SNX30: variants seen among roughly 807,000 people sequenced by gnomAD.
The protein encoded by SNX30 is sorting nexin-30.
SNX30 carries 24 observed loss-of-function variants against 46.4 expected under a neutral mutation model. The ratio of observed to expected loss-of-function variants is 0.52; its 90% CI spans 0.37 to 0.73. The LOEUF is 0.73. SNX30 is among the 30% of genes least tolerant of loss of function. The pLI is 0.00. For synonymous variants in SNX30, 189 were observed against 211.5 expected (o/e 0.89, Z 0.92); for missense variants, 533 against 555.7 (o/e 0.96, Z 0.41).
downstream of SNX30, chr9:112,875,124 A>G (rs982944621): frequency 1.3e-5 from 2 of 152,154 alleles, no homozygotes; most frequent in Non-Finnish European, 2.9e-5. Flanking sequence ...ACAGGAAAAA[A>G]TATATATAAT....
intron 3 of SNX30, among the ~76,000 whole-genome samples, chr9:112,829,939 A>G (rs1259499891): frequency 6.6e-6 from 1 of 152,202 alleles, no homozygotes; most frequent in Admixed American, 6.5e-5. Flanking sequence ...TAAATGTACA[A>G]TTTTAAAAAT....
At chr9:112,777,854 C>T (rs1839775639) in intron 1 of SNX30, among the ~76,000 whole-genome samples, 1 of 152,086 alleles carries the variant, frequency 6.6e-6, no homozygotes, top group Admixed American at 6.6e-5. Flanking sequence ...ATCTTTTACC[C>T]CTCATTTGCT....
intron 1 of SNX30, among the ~76,000 whole-genome samples, chr9:112,764,987 A>C (rs1376956169): frequency 6.6e-6 from 1 of 152,154 alleles, no homozygotes; most frequent in Non-Finnish European, 1.5e-5. Flanking sequence ...CCAGGGGAAA[A>C]GGTCAGGGAG....
intron 1 of SNX30, among the ~76,000 whole-genome samples, chr9:112,796,893 C>T (rs1397891046): frequency 1.3e-5 from 2 of 152,058 alleles, no homozygotes; most frequent in Non-Finnish European, 2.9e-5. Flanking sequence ...ATTTCCTGTA[C>T]GTTCTCTTGC....
intron 7 of SNX30, among the ~76,000 whole-genome samples, chr9:112,861,939 C>G (rs928630368): frequency 6.7e-6 from 1 of 149,180 alleles, no homozygotes; most frequent in African/African-American, 2.4e-5. Flanking sequence ...ACAACACTTA[C>G]GATATCTTGC....
intron 1 of SNX30, among the ~76,000 whole-genome samples, chr9:112,768,497 T>A: frequency 6.6e-6 from 1 of 152,124 alleles, no homozygotes; most frequent in Non-Finnish European, 1.5e-5. Flanking sequence ...AGAACAAGGT[T>A]ATCAGTCTTG....
chr9:112,837,210 A>C (rs996811080), intron 5 of SNX30, among the ~76,000 whole-genome samples: 4 of 149,732 alleles, frequency 2.7e-5, no homozygotes, highest in African/African-American at 4.9e-5. Context: ...AAAAATCAAC[A>C]TTTTTTTTTT....
At chr9:112,793,608 G>A (rs906092623) in intron 1 of SNX30, among the ~76,000 whole-genome samples, 4 of 152,152 alleles carry the variant, frequency 2.6e-5, no homozygotes, top group African/African-American at 9.7e-5. Context: ...TACTTATTAA[G>A]TAACCTCAAT....
At chr9:112,768,321 G>C (rs972294341) in intron 1 of SNX30, among the ~76,000 whole-genome samples, 17 of 152,160 alleles carry the variant, frequency 1.1e-4, no homozygotes, top group African/African-American at 4.1e-4. Context: ...TTAGAACCTC[G>C]CTACTTAATG....
intron 7 of SNX30, among the ~76,000 whole-genome samples, chr9:112,858,295 G>T (rs982937296): frequency 1.3e-5 from 2 of 152,088 alleles, no homozygotes. Context: ...CAGGAAGATC[G>T]CCTGAGCTCA....
At chr9:112,855,938 A>G (rs1841119478) in intron 7 of SNX30, among the ~76,000 whole-genome samples, 2 of 152,116 alleles carry the variant, frequency 1.3e-5, no homozygotes, top group South Asian at 4.2e-4. Flanking sequence ...CTTACAGAAG[A>G]TAAGGAGAAG....
At chr9:112,795,345 A>G (rs1178090648) in intron 1 of SNX30, among the ~76,000 whole-genome samples, 5 of 152,200 alleles carry the variant, frequency 3.3e-5, no homozygotes, top group Admixed American at 6.5e-5. Context: ...CACTGGTAGT[A>G]ATTAGTGGTA....
chr9:112,836,775 CA>C (rs1840760385), intron 5 of SNX30, among the ~76,000 whole-genome samples: 1 of 152,136 alleles, frequency 6.6e-6, no homozygotes, highest in South Asian at 2.1e-4. Context: ...CCTTTTCTGG[CA>C]GAAAGATGGT....
At chr9:112,788,097 C>T (rs1021834364) in intron 1 of SNX30, among the ~76,000 whole-genome samples, 5 of 152,096 alleles carry the variant, frequency 3.3e-5, no homozygotes, top group African/African-American at 9.7e-5. Flanking sequence ...TTTTGCAGCA[C>T]ATCTGAGAAG....
intron 6 of SNX30, among the ~76,000 whole-genome samples, chr9:112,849,492 A>G (rs1283508301): frequency 6.6e-6 from 1 of 152,220 alleles, no homozygotes; most frequent in African/African-American, 2.4e-5. Context: ...ATTGAACAGC[A>G]CTGTAAATAT....
At chr9:112,787,963 A>AT (rs929135417) in intron 1 of SNX30, among the ~76,000 whole-genome samples, 2 of 150,938 alleles carry the variant, frequency 1.3e-5, no homozygotes, top group Non-Finnish European at 3.0e-5. Context: ...CACCTGGCTA[A>AT]TTTTTTTTTG....
intron 6 of SNX30, among the ~76,000 whole-genome samples, chr9:112,844,854 G>T (rs1041055817): frequency 4.6e-5 from 7 of 152,166 alleles, no homozygotes; most frequent in African/African-American, 1.4e-4. Flanking sequence ...CTTCCCCACA[G>T]GGCCACAAGG....
rs1439058479 is a variant in SNX30 at position 112,838,649 on chromosome 9, C to T, written c.966C>T (p.Asp322=). The T allele has an allele frequency of 1.9e-6, 3 of 1,614,186 alleles. No individual in the cohort carries two copies. Among genetic ancestry groups the T allele is most frequent in the Non-Finnish European group, 2.5e-6 (3 of 1,180,016 alleles). ...LEELTDDMTE[D]FLPVLREYIL... ...AGCTGACAGATGACATGACAGAAGACTTCCTACCTGTGCTCAGGGAATATA... is the reference window on the plus strand; with the variant it reads ...AGCTGACAGATGACATGACAGAAGATTTCCTACCTGTGCTCAGGGAATATA... Residue 322 remains aspartate, a synonymous_variant, in exon 6 of 9, where the codon GAC becomes GAT. Transcript: ENST00000374232.
chr9:112,750,227 G>T (rs1420024459), upstream of SNX30, among the ~76,000 whole-genome samples: 1 of 152,220 alleles, frequency 6.6e-6, no homozygotes, highest in Non-Finnish European at 1.5e-5. Context: ...GGACCTCAGA[G>T]TGAGCCTGAA....
Sources: allele counts gnomAD v4.1 joint callset (sites outside exome capture counted in the v4.1 genomes callset), GRCh38; gene constraint gnomAD v4.1.1; transcripts MANE v1.5; gene names NCBI Gene and HGNC (gene_info 2026-07-23, HGNC 2026-07-21).